Variants in R3HDM2 observed in about 807,000 individuals in gnomAD.
R3HDM2 encodes R3H domain containing 2.
A neutral mutation model predicts 124.5 loss-of-function variants in R3HDM2; 38 were observed. The observed-to-expected ratio is 0.31, with a 90% confidence interval of 0.24 to 0.40. The LOEUF (loss-of-function observed/expected upper bound fraction) is 0.40. Ranked by LOEUF, R3HDM2 falls within the 10% of genes least tolerant of loss-of-function variation. The pLI, the probability that R3HDM2 is intolerant of heterozygous loss-of-function variation, is 1.00. For synonymous variants in R3HDM2, 391 were observed against 448.0 expected, an observed-to-expected ratio of 0.87 and a Z score of 1.61; for missense variants, 869 against 1,236.9, an observed-to-expected ratio of 0.70 and a Z score of 4.46.
intron 2 of R3HDM2, among the ~76,000 whole-genome samples, chr12:57,365,981 T>C (rs758100766): frequency 6.6e-5 from 10 of 151,994 alleles, no homozygotes; most frequent in Non-Finnish European, 1.2e-4. Flanking sequence ...AAATCTTCAG[T>C]GAGTTTTCCA....
At chr12:57,299,313 C>G (rs1481810092) in intron 6 of R3HDM2, 39 bp downstream of exon 6, 2 of 1,513,946 alleles carry the variant, frequency 1.3e-6, no homozygotes, top group Non-Finnish European at 1.8e-6. Flanking sequence ...GTAAAGGGCA[C>G]TGCCCTAGAA....
chr12:57,253,858 T>A lies in R3HDM2; in HGVS notation c.*915A>T, dbSNP rs1454375923. On this transcript the variant is annotated 3_prime_UTR_variant, in exon 24 of 24. Coordinates refer to ENST00000402412, the MANE Select transcript of R3HDM2 (RefSeq NM_001394031.1). ...ACAAAAAAACAGATTAAATAAAATT[T>A]ACAGTGAATATACCCAGCAAACATC... is the stretch of plus-strand genomic sequence containing the variant. The A allele has an allele frequency of 1.2e-5, 2 of 165,588 alleles. No individual in the cohort carries two copies. Among genetic ancestry groups the A allele is most frequent in the African/African-American group, 4.8e-5 (2 of 41,378 alleles). The allele number at this position is 165,588 out of a possible 1,614,324, so 10.3% of individuals were successfully genotyped here. A position where few individuals can be genotyped will look rare whatever the true frequency, so the allele number is the denominator to read the frequency against.
chr12:57,384,499 TA>T (rs929632812), intron 2 of R3HDM2, among the ~76,000 whole-genome samples: 36 of 152,078 alleles, frequency 2.4e-4, no homozygotes, highest in African/African-American at 8.0e-4. Flanking sequence ...GAAGGCTGTA[TA>T]AAAAAAATAA....
At chr12:57,314,992 G>C (rs530881629) in intron 2 of R3HDM2, among the ~76,000 whole-genome samples, 2 of 151,918 alleles carry the variant, frequency 1.3e-5, no homozygotes, top group African/African-American at 4.8e-5. Flanking sequence ...CCAAGTAGCT[G>C]GGACTACAGG....
At chr12:57,346,357 C>T (rs1488489171) in intron 2 of R3HDM2, among the ~76,000 whole-genome samples, 1 of 145,970 alleles carries the variant, frequency 6.9e-6, no homozygotes, top group Non-Finnish European at 1.5e-5. Flanking sequence ...ACTTGGGAGG[C>T]TGAGGCAGGA....
intron 13 of R3HDM2, among the ~76,000 whole-genome samples, chr12:57,280,791 G>C (rs370523895): frequency 1.1e-4 from 17 of 152,260 alleles, no homozygotes; most frequent in African/African-American, 4.1e-4. Context: ...TTATGAAATT[G>C]AACAAAATGT....
intron 2 of R3HDM2, among the ~76,000 whole-genome samples, chr12:57,395,276 G>A (rs1290424114): frequency 1.3e-5 from 2 of 152,054 alleles, no homozygotes; most frequent in African/African-American, 4.8e-5. Context: ...AGGCTGAGGC[G>A]GCCAGGTCAC....
chr12:57,281,195 G>T (rs560659847), intron 13 of R3HDM2, among the ~76,000 whole-genome samples: 3 of 150,284 alleles, frequency 2.0e-5, no homozygotes, highest in Non-Finnish European at 4.4e-5. Flanking sequence ...GCTGAGACAG[G>T]AGAATCGCTT....
intron 13 of R3HDM2, 76 bp from the exon 14 acceptor site, chr12:57,280,606 G>A: frequency 7.4e-7 from 1 of 1,345,418 alleles, no homozygotes. Context: ...CTTAGTCAGA[G>A]GGCTCTACTT....
intron 19 of R3HDM2, among the ~76,000 whole-genome samples, chr12:57,265,147 G>A (rs554126518): frequency 7.9e-5 from 12 of 152,288 alleles, no homozygotes; most frequent in African/African-American, 2.6e-4. Context: ...CCACTGGAGA[G>A]AAAGAAATTG....
At chr12:57,427,105 A>T (rs2139702035) in intron 1 of R3HDM2, among the ~76,000 whole-genome samples, 1 of 152,184 alleles carries the variant, frequency 6.6e-6, no homozygotes, top group South Asian at 2.1e-4. Flanking sequence ...AGCCTGACCA[A>T]CACGGTGAAA....
intron 10 of R3HDM2, among the ~76,000 whole-genome samples, chr12:57,294,322 A>G (rs1416232873): frequency 6.6e-6 from 1 of 152,216 alleles, no homozygotes; most frequent in Non-Finnish European, 1.5e-5. Flanking sequence ...CTAGGCCTGA[A>G]TAATTCCTGA....
chr12:57,275,492 G>A (rs1405832864), intron 14 of R3HDM2, among the ~76,000 whole-genome samples: 3 of 125,920 alleles, frequency 2.4e-5, no homozygotes, highest in South Asian at 2.9e-4. Flanking sequence ...ACTAAAAAAC[G>A]TTTGCATGGA....
intron 10 of R3HDM2, among the ~76,000 whole-genome samples, chr12:57,293,781 C>G (rs938438955): frequency 6.6e-6 from 1 of 152,176 alleles, no homozygotes; most frequent in Non-Finnish European, 1.5e-5. Flanking sequence ...TGATCTTTAC[C>G]AATCTCCAAA....
chr12:57,256,094 A>G lies in R3HDM2; in HGVS notation c.2548-20T>C. 1 of 1,601,876 alleles carries G rather than the reference A, an allele frequency of 6.2e-7. No individual in the cohort carries two copies. The highest frequency in any genetic ancestry group is 8.6e-7 in the Non-Finnish European group (1 of 1,168,968). On this transcript the variant is annotated intron_variant, in intron 22 of 23. Transcript: ENST00000402412. ...CTGTCCCTTCAACATTTGAAAGACG[A>G]CTCTCATCCCATGTAAACAACATTG...
chr12:57,385,477 C>T (rs1276350247), intron 2 of R3HDM2, among the ~76,000 whole-genome samples: 3 of 152,028 alleles, frequency 2.0e-5, no homozygotes, highest in Admixed American at 1.3e-4. Flanking sequence ...CTCCTGACCT[C>T]GCGATCCGCC....
rs966772211 is a variant in R3HDM2, at chr12:57,308,610, C to T, written c.165+1654G>A. Among the ~76,000 whole-genome samples the T allele has an allele frequency of 3.9e-5, 6 of 152,048 alleles. No individual in the cohort carries two copies. In the East Asian group the frequency reaches 5.9e-4, roughly 15 times the overall value. ...CTGAGGCAGGAGAATCGCTTGAACCCGGGAGGCGGAGGTTGCAGTGGGCCA... is the reference window on the plus strand; with the variant it reads ...CTGAGGCAGGAGAATCGCTTGAACCTGGGAGGCGGAGGTTGCAGTGGGCCA... On this transcript the variant is annotated intron_variant, in intron 3 of 23. Transcript: ENST00000402412.
In R3HDM2 at chr12:57,383,734, A is replaced by G. The variant is rs78109501; in HGVS notation, c.-36+12015T>C. ...AACAAACAAAATAATAATAATAATAATATCTGTTATACAGCTCCTCCTAAA... is the reference window on the plus strand; with the variant it reads ...AACAAACAAAATAATAATAATAATAGTATCTGTTATACAGCTCCTCCTAAA... On this transcript the variant is annotated intron_variant, in intron 2 of 23. Transcript: ENST00000402412. Among the ~76,000 whole-genome samples the G allele has an allele frequency of 2.5e-3, 386 of 152,218 alleles. 8 individuals are homozygous for G. In the East Asian group the frequency reaches 0.061, roughly 24 times the overall value.
At chr12:57,298,277 C>T (rs2050332778) in intron 6 of R3HDM2, 109 bp from the exon 7 acceptor site, 1 of 806,900 alleles carries the variant, frequency 1.2e-6, no homozygotes, top group South Asian at 1.7e-5. Flanking sequence ...AATAGGAAAG[C>T]AAAATCAAAC....
Sources: gnomAD v4.1 joint callset for allele counts (sites outside exome capture counted in the v4.1 genomes callset) on GRCh38, gnomAD v4.1.1 for gene constraint, MANE v1.5 for transcripts, NCBI Gene and HGNC (gene_info 2026-07-23, HGNC 2026-07-21) for gene names.